NAV2: variants seen among roughly 807,000 people sequenced by gnomAD.
NAV2 encodes the protein neuron navigator 2.
In NAV2, 54 loss-of-function variants were observed where a neutral mutation model predicts 223.2. The ratio of observed to expected loss-of-function variants is 0.24; its 90% CI spans 0.19 to 0.30. NAV2 has a LOEUF of 0.30. NAV2 is among the 10% of genes least tolerant of loss of function. The pLI, the probability that NAV2 is intolerant of heterozygous loss-of-function variation, is 1.00. For synonymous variants in NAV2, 1,279 were observed against 1,239.3 expected (o/e 1.03, Z -0.67); for missense variants, 2,806 against 3,147.5 (o/e 0.89, Z 2.60).
At chr11:19,570,940 C>T (rs1484930551) in intron 1 of NAV2, among the ~76,000 whole-genome samples, 2 of 152,206 alleles carry the variant, frequency 1.3e-5, no homozygotes, top group Admixed American at 1.3e-4. Flanking sequence ...TCTAGGCGTA[C>T]ACCAAAAAAG....
At chr11:19,350,035 T>G (rs1024082), upstream of NAV2, among the ~76,000 whole-genome samples, 1 of 152,030 alleles carries the variant, frequency 6.6e-6, no homozygotes. Context: ...TGCTTTGTGC[T>G]TCACAGACCA....
intron 1 of NAV2, among the ~76,000 whole-genome samples, chr11:19,672,036 G>C (rs713356): frequency 0.7 from 105,782 of 152,122 alleles, 43,981 homozygotes; most frequent in Non-Finnish European, 0.91. Context: ...AGACTTCTTG[G>C]GGAAGATTTC....
intron 1 of NAV2, among the ~76,000 whole-genome samples, chr11:19,624,574 C>T (rs1184263877): frequency 6.6e-6 from 1 of 152,212 alleles, no homozygotes; most frequent in East Asian, 1.9e-4. Flanking sequence ...ATATAATCTC[C>T]TGGTGTGCCG....
At chr11:19,944,696 T>TTCTTTC (rs1565613417) in intron 8 of NAV2, among the ~76,000 whole-genome samples, 2 of 144,342 alleles carry the variant, frequency 1.4e-5, no homozygotes, top group Admixed American at 6.7e-5. Context: ...TTTCTTTCTT[T>TTCTTTC]CTTCCTTCTT....
At chr11:19,703,477 G>C (rs114236240) in intron 1 of NAV2, among the ~76,000 whole-genome samples, 1 of 152,338 alleles carries the variant, frequency 6.6e-6, no homozygotes, top group Non-Finnish European at 1.5e-5. Context: ...CTCAGTGCCT[G>C]GTGGCCCTGC....
chr11:19,777,847 G>A (rs1019982417), intron 1 of NAV2: 14 of 455,652 alleles, frequency 3.1e-5, no homozygotes, highest in Non-Finnish European at 6.2e-5. Context: ...GAGCATGTCT[G>A]CGCCCTCACA....
At chr11:19,445,845 A>C (rs972343678) in intron 1 of NAV2, among the ~76,000 whole-genome samples, 1 of 151,526 alleles carries the variant, frequency 6.6e-6, no homozygotes, top group Non-Finnish European at 1.5e-5. Flanking sequence ...CAGAGCAACC[A>C]TATCATTTAA....
Position 20,120,686 on chromosome 11 carries a change from T to C in NAV2, c.*2428T>C, listed in dbSNP as rs572497289. 1 of 152,640 alleles carries C rather than the reference T, an allele frequency of 6.6e-6. No individual in the cohort carries two copies. Among genetic ancestry groups the C allele is most frequent in the East Asian group, 1.9e-4 (1 of 5,176 alleles). 9.5% of individuals were successfully genotyped at this position (152,640 alleles called of 1,614,324 possible). ...TCCAGGTTCAGAACCAAGACTTCTG[T>C]ACCTAGTGCTGCCTGATTGGTGAAC... On this transcript the variant is annotated 3_prime_UTR_variant, in exon 38 of 38. Transcript: ENST00000349880.
intron 25 of NAV2, among the ~76,000 whole-genome samples, chr11:20,081,215 A>G (rs2060071819): frequency 6.6e-6 from 1 of 152,178 alleles, no homozygotes; most frequent in Admixed American, 6.5e-5. Context: ...TGACCCTCTC[A>G]TCTTTCTGAT....
rs539116096 is a variant in NAV2, at chr11:19,705,681, TAA to T, written c.76-126794_76-126793del. ...ACCCCAAATTCAAAACTTATCTCTTTAAAAAAAAAATAGCAATGTTCCCCCAC... is the reference window on the plus strand; with the variant it reads ...ACCCCAAATTCAAAACTTATCTCTTTAAAAAAAATAGCAATGTTCCCCCAC... On this transcript the variant is annotated intron_variant, in intron 1 of 37. Coordinates refer to the NAV2 transcript ENST00000360655. Among the ~76,000 whole-genome samples, 547 of 149,668 alleles carry T rather than the reference TAA, an allele frequency of 3.7e-3. 2 individuals carry two copies. The highest frequency in any genetic ancestry group is 0.013 in the African/African-American group (529 of 40,892).
At chr11:19,628,704 A>G (rs1472400912) in intron 1 of NAV2, among the ~76,000 whole-genome samples, 2 of 152,176 alleles carry the variant, frequency 1.3e-5, no homozygotes, top group African/African-American at 2.4e-5. Context: ...TGCCAACACA[A>G]TCACACAGGT....
At chr11:19,968,806 C>T (rs924092275) in intron 10 of NAV2, among the ~76,000 whole-genome samples, 1 of 152,188 alleles carries the variant, frequency 6.6e-6, no homozygotes, top group African/African-American at 2.4e-5. Flanking sequence ...CATAGCTTGG[C>T]TCCTACTCTG....
chr11:19,381,876 CGTTTCTGG>C (rs1848849523), intron 1 of NAV2, among the ~76,000 whole-genome samples: 1 of 152,112 alleles, frequency 6.6e-6, no homozygotes, highest in South Asian at 2.1e-4. Context: ...TTAGAGGGGC[CGTTTCTGG>C]GTTTCTGAGG....
At chr11:19,881,694 G>T (rs763721969) in intron 5 of NAV2, among the ~76,000 whole-genome samples, 60 of 152,178 alleles carry the variant, frequency 3.9e-4, no homozygotes, top group Non-Finnish European at 6.9e-4. Context: ...CGAGGTGCCT[G>T]CTCTCCTATG....
At chr11:19,677,900 C>T (rs376326717) in intron 1 of NAV2, among the ~76,000 whole-genome samples, 8 of 152,216 alleles carry the variant, frequency 5.3e-5, no homozygotes, top group African/African-American at 1.9e-4. Flanking sequence ...TACTATCTGG[C>T]CTTTTATAGA....
At chr11:20,101,224 T>C (rs1185380227) in intron 32 of NAV2, 52 bp downstream of exon 32, 6 of 1,358,490 alleles carry the variant, frequency 4.4e-6, no homozygotes, top group Non-Finnish European at 6.3e-6. Flanking sequence ...TCAAAACTGA[T>C]GATATCACCA....
intron 24 of NAV2, among the ~76,000 whole-genome samples, chr11:20,079,197 C>T (rs919701319): frequency 2.6e-5 from 4 of 152,190 alleles, no homozygotes; most frequent in African/African-American, 7.2e-5. Flanking sequence ...CATGCGAACA[C>T]GCCTGGCTGG....
intron 1 of NAV2, among the ~76,000 whole-genome samples, chr11:19,639,391 C>A (rs1306153232): frequency 6.6e-6 from 1 of 152,198 alleles, no homozygotes; most frequent in African/African-American, 2.4e-5. Flanking sequence ...GCCCCTGGAG[C>A]CCCCTCCACC....
chr11:19,788,003 GCAGTGTGGTTC>G (rs2057262595), intron 1 of NAV2, among the ~76,000 whole-genome samples: 1 of 152,156 alleles, frequency 6.6e-6, no homozygotes, highest in South Asian at 2.1e-4. Flanking sequence ...TCCATTCTAA[GCAGTGTGGTTC>G]CAAGTCCAAT....
Sources: allele counts gnomAD v4.1 joint callset (sites outside exome capture counted in the v4.1 genomes callset), GRCh38; gene constraint gnomAD v4.1.1; transcripts MANE v1.5; gene names NCBI Gene and HGNC (gene_info 2026-07-23, HGNC 2026-07-21).